BRF1: variants seen among roughly 807,000 people sequenced by gnomAD.
BRF1 encodes transcription factor IIIB 90 kDa subunit.
Under a neutral mutation model 81.7 loss-of-function variants are expected in BRF1, and 59 were observed. That is an observed-to-expected ratio of 0.72 (90% CI 0.59 to 0.90). The LOEUF (loss-of-function observed/expected upper bound fraction) is 0.90, where lower values mean the gene tolerates loss of function less well. Among genes scored for constraint, BRF1 ranks in the 40% least tolerant of loss-of-function variants. The pLI is 0.00. For synonymous variants in BRF1, 491 were observed against 395.6 expected, an observed-to-expected ratio of 1.24 and a Z score of -2.86; for missense variants, 1,050 against 936.3, an observed-to-expected ratio of 1.12 and a Z score of -1.58.
At chr14:105,248,353 G>C in intron 5 of BRF1, 2 of 985,508 alleles carry the variant, frequency 2.0e-6, no homozygotes, top group South Asian at 4.7e-5. Flanking sequence ...AAGCACCTGC[G>C]CATGGCACTG....
chr14:105,299,189 C>G (rs2057878069), intron 1 of BRF1, among the ~76,000 whole-genome samples: 1 of 151,948 alleles, frequency 6.6e-6, no homozygotes, highest in Admixed American at 6.6e-5. Flanking sequence ...AAAAAAACTT[C>G]TGCTTTGAAA....
intron 12 of BRF1, 112 bp downstream of exon 12, chr14:105,219,957 G>T: frequency 2.6e-6 from 3 of 1,153,674 alleles, no homozygotes; most frequent in East Asian, 2.5e-5. Flanking sequence ...TCACCCAGCG[G>T]GGTGGGCTCT....
At chr14:105,249,347 T>C (rs2140285909) in intron 5 of BRF1, 1 of 1,608,088 alleles carries the variant, frequency 6.2e-7, no homozygotes, top group Non-Finnish European at 8.5e-7. Flanking sequence ...ACGGCGGCGC[T>C]TTCTCCTCCC....
chr14:105,294,639 G>C (rs2140527589), intron 1 of BRF1, among the ~76,000 whole-genome samples: 1 of 152,208 alleles, frequency 6.6e-6, no homozygotes, highest in South Asian at 2.1e-4. Flanking sequence ...GAGCAGGAGA[G>C]AAAACTCAAT....
upstream of BRF1, among the ~76,000 whole-genome samples, chr14:105,302,656 C>G (rs1831358740): frequency 6.6e-6 from 1 of 151,736 alleles, no homozygotes; most frequent in Non-Finnish European, 1.5e-5. Context: ...CATAATCAAG[C>G]CTCACTGCAG....
At chr14:105,287,024 T>C (rs1308334371) in intron 1 of BRF1, among the ~76,000 whole-genome samples, 2 of 152,148 alleles carry the variant, frequency 1.3e-5, no homozygotes, top group African/African-American at 2.4e-5. Flanking sequence ...TACCATCCCA[T>C]GTGCCCCAAG....
intron 5 of BRF1, chr14:105,248,577 G>GCGGGCT (rs1555384305): frequency 1.4e-5 from 13 of 912,086 alleles, no homozygotes; most frequent in Non-Finnish European, 1.5e-5. Context: ...GCTCGGGCGG[G>GCGGGCT]CGGGCGGGCG....
intron 6 of BRF1, among the ~76,000 whole-genome samples, chr14:105,229,407 G>A (rs587652328): frequency 2.2e-4 from 34 of 152,354 alleles, no homozygotes; most frequent in Non-Finnish European, 3.8e-4. Context: ...ATCCTGCAGC[G>A]CAGGGATGCC....
At chr14:105,221,557 G>C in intron 11 of BRF1, 91 bp downstream of exon 11, 1 of 1,503,688 alleles carries the variant, frequency 6.7e-7, no homozygotes, top group African/African-American at 1.4e-5. Context: ...CCCGACAGAG[G>C]ATGGCAGCAT....
intron 16 of BRF1, chr14:105,211,801 T>A: frequency 2.1e-6 from 1 of 473,924 alleles, no homozygotes; most frequent in Non-Finnish European, 3.9e-6. Flanking sequence ...CCCTGTGACC[T>A]GGCAGTGCCT....
In BRF1 at chr14:105,309,700, C is replaced by T. The variant is rs587633511; in HGVS notation, c.-162+5622G>A. 1.3e-5 allele frequency among the ~76,000 whole-genome samples: 2 copies of T among 151,816 alleles called. No individual in the cohort carries two copies. The highest frequency in any genetic ancestry group is 2.4e-5 in the African/African-American group (1 of 41,388). ...AGGAGGGGAGCAGCGTGCAGGACAC[C>T]GAGGATGTCATCACGACCTTAGGTC... On this transcript the variant is annotated intron_variant, in intron 1 of 17. Coordinates refer to the BRF1 transcript ENST00000327359. This position sits in a 1 kb window ranked among gnomAD's most constrained non-coding sequence, Gnocchi z 4.0.
At position 105,211,206 on chromosome 14, in the gene BRF1, C is replaced by T. The variant is rs1890064374; in HGVS notation, c.1912G>A (p.Ala638Thr). ...LVESGPVSYH[A>T]DEEADEEEPD... Reference sequence around the variant, plus strand: ...TCCTCCTCGTCAGCCTCCTCGTCGGCGTGGTATGACACGGGCCCGCTCTCC... The same window carrying T: ...TCCTCCTCGTCAGCCTCCTCGTCGGTGTGGTATGACACGGGCCCGCTCTCC... Residue 638 changes from alanine to threonine, a missense_variant, in exon 17 of 18, where the codon GCC becomes ACC. Ala to Thr is a moderately conservative substitution (Grantham distance 58). Coordinates refer to ENST00000547530, the MANE Select transcript of BRF1 (RefSeq NM_001519.4). The T allele has an allele frequency of 2.5e-6, 4 of 1,611,892 alleles. No individual in the cohort carries two copies. Among genetic ancestry groups the T allele is most frequent in the Non-Finnish European group, 3.4e-6 (4 of 1,179,878 alleles).
At chr14:105,255,154 G>A (rs949471113) in intron 4 of BRF1, among the ~76,000 whole-genome samples, 1 of 152,226 alleles carries the variant, frequency 6.6e-6, no homozygotes, top group Non-Finnish European at 1.5e-5. Flanking sequence ...TGAGTCCCCA[G>A]GAGCCTGACC....
At chr14:105,229,355 G>T (rs1283610645) in intron 6 of BRF1, among the ~76,000 whole-genome samples, 1 of 152,220 alleles carries the variant, frequency 6.6e-6, no homozygotes, top group Non-Finnish European at 1.5e-5. Flanking sequence ...TGCAAACATG[G>T]AGATCATGTG....
chr14:105,251,596 G>T (rs587600205), intron 5 of BRF1, among the ~76,000 whole-genome samples: 4 of 152,208 alleles, frequency 2.6e-5, no homozygotes, highest in Non-Finnish European at 5.9e-5. Flanking sequence ...GGCATGGGCC[G>T]AGTGTATAGC....
In BRF1 at chr14:105,309,624, G is replaced by T. The variant is rs777547922; in HGVS notation, c.-162+5698C>A. 1.4e-4 allele frequency among the ~76,000 whole-genome samples: 22 copies of T among 152,152 alleles called. No individual in the cohort carries two copies. The highest frequency in any genetic ancestry group is 3.1e-4 in the Non-Finnish European group (21 of 68,016). On this transcript the variant is annotated intron_variant, in intron 1 of 17. Transcript: ENST00000327359. The surrounding 1 kb of genome is among the most constrained non-coding windows in gnomAD (Gnocchi z 4.0). ...CAAGCCACTCTGCAGAGCTGCTCTG[G>T]GTCCTGCCCCAGGTGCTGTGTGAGG...
At chr14:105,254,994 C>G (rs981175936) in intron 4 of BRF1, among the ~76,000 whole-genome samples, 2 of 152,208 alleles carry the variant, frequency 1.3e-5, no homozygotes, top group Non-Finnish European at 2.9e-5. Context: ...CTGCCCCCCC[C>G]ATCTCTCTTC....
chr14:105,307,636 T>C (rs1342131754), intron 1 of BRF1, among the ~76,000 whole-genome samples: 1 of 152,202 alleles, frequency 6.6e-6, no homozygotes, highest in Non-Finnish European at 1.5e-5. Flanking sequence ...GCAGGGGAAA[T>C]GAGAAAGCAA....
At chr14:105,287,109 C>T (rs1056821380) in intron 1 of BRF1, among the ~76,000 whole-genome samples, 3 of 152,240 alleles carry the variant, frequency 2.0e-5, no homozygotes, top group African/African-American at 7.2e-5. Flanking sequence ...GCAGCTGAAC[C>T]TGCTGGACAC....
Sources: gnomAD v4.1 joint callset for allele counts (sites outside exome capture counted in the v4.1 genomes callset) on GRCh38, gnomAD v4.1.1 for gene constraint, Gnocchi (gnomAD v3.1) non-coding constraint, MANE v1.5 for transcripts, NCBI Gene and HGNC (gene_info 2026-07-23, HGNC 2026-07-21) for gene names.